CRISP2: variants seen among roughly 807,000 people sequenced by gnomAD.
CRISP2 encodes cysteine rich secretory protein 2, also known as cysteine-rich secretory protein 2.
In CRISP2, 29 loss-of-function variants were observed where a neutral mutation model predicts 31.7. That is an observed-to-expected ratio of 0.92 (90% CI 0.68 to 1.25). The LOEUF (loss-of-function observed/expected upper bound fraction) is 1.25. Among genes scored for constraint, CRISP2 ranks in the 50% most tolerant of loss-of-function variants. The pLI is 0.00. For missense variants in CRISP2, 318 were observed against 286.5 expected, an observed-to-expected ratio of 1.11 and a Z score of -0.79; for synonymous variants, 111 against 101.4, an observed-to-expected ratio of 1.09 and a Z score of -0.57.
chr6:49,704,581 T>C (rs1001407183), intron 4 of CRISP2, among the ~76,000 whole-genome samples: 1 of 152,116 alleles, frequency 6.6e-6, no homozygotes, highest in African/African-American at 2.4e-5. Context: ...AGATGGGGCT[T>C]CCTGAGAGCC....
At chr6:49,712,184 A>G (rs1412837718) in intron 2 of CRISP2, among the ~76,000 whole-genome samples, 1 of 152,156 alleles carries the variant, frequency 6.6e-6, no homozygotes, top group Non-Finnish European at 1.5e-5. Context: ...TATCCTCATC[A>G]GCTCATTGAA....
chr6:49,697,972 T>C lies in CRISP2; in HGVS notation c.418-15A>G, dbSNP rs757282165. Reference sequence around the variant, plus strand: ...TACCAAACAAGCTGCAAATTAACAATGGAATAAATATATAAAAGTACATTA... The same window carrying C: ...TACCAAACAAGCTGCAAATTAACAACGGAATAAATATATAAAAGTACATTA... On this transcript the variant is annotated splice_polypyrimidine_tract_variant and intron_variant, in intron 7 of 9. Transcript: ENST00000339139. 2 of 1,553,018 alleles carry C rather than the reference T, an allele frequency of 1.3e-6. No individual in the cohort carries two copies. Among genetic ancestry groups the C allele is most frequent in the African/African-American group, 1.4e-5 (1 of 72,240 alleles).
chr6:49,705,481 A>G (rs1025879037), intron 4 of CRISP2, among the ~76,000 whole-genome samples: 8 of 152,084 alleles, frequency 5.3e-5, no homozygotes, highest in African/African-American at 1.7e-4. Flanking sequence ...GCCTTTCCCC[A>G]TTTCCCACCT....
chr6:49,684,489 G>A, the CRISP2 span, among the ~76,000 whole-genome samples: 4 of 152,082 alleles, frequency 2.6e-5, no homozygotes, highest in South Asian at 2.1e-4. Context: ...ATGGAGGACC[G>A]ACTATATAAG....
chr6:49,678,547 C>T, the CRISP2 span, among the ~76,000 whole-genome samples: 2 of 151,924 alleles, frequency 1.3e-5, no homozygotes, highest in African/African-American at 2.4e-5. Flanking sequence ...TTAACTAGTT[C>T]CCCCCGACTC....
chr6:49,677,778 C>A, the CRISP2 span, among the ~76,000 whole-genome samples: 1 of 152,060 alleles, frequency 6.6e-6, no homozygotes. Flanking sequence ...TAAACATACA[C>A]TTAAGGAAGT....
At chr6:49,699,921 T>TA in intron 5 of CRISP2, 30 bp from the exon 6 acceptor site, 1 of 1,584,394 alleles carries the variant, frequency 6.3e-7, no homozygotes, top group Non-Finnish European at 8.7e-7. Flanking sequence ...AAAATACACT[T>TA]AATGATTCAG....
chr6:49,682,702 C>G, the CRISP2 span, among the ~76,000 whole-genome samples: 1 of 132,478 alleles, frequency 7.5e-6, no homozygotes, highest in African/African-American at 2.8e-5. Context: ...CTTTCTTTTT[C>G]TTTTTTCTCT....
chr6:49,685,613 A>G, the CRISP2 span, among the ~76,000 whole-genome samples: 1 of 152,200 alleles, frequency 6.6e-6, no homozygotes, highest in East Asian at 1.9e-4. Flanking sequence ...TAACATATAT[A>G]GTCAGTTTCA....
At chr6:49,711,240 G>C (rs1767954754) in intron 3 of CRISP2, 45 bp downstream of exon 3, 1 of 152,058 alleles carries the variant, frequency 6.6e-6, no homozygotes, top group African/African-American at 2.4e-5. Context: ...AAAAATGATT[G>C]GCATGATAAA....
chr6:49,691,608 G>T (rs568886191), downstream of CRISP2, among the ~76,000 whole-genome samples: 1 of 151,538 alleles, frequency 6.6e-6, no homozygotes, highest in Admixed American at 6.6e-5. Context: ...TATTTTTTCC[G>T]TTGAAATGTC....
chr6:49,700,007 C>T (rs1765394155), intron 5 of CRISP2, 116 bp from the exon 6 acceptor site: 1 of 857,268 alleles, frequency 1.2e-6, no homozygotes, highest in Non-Finnish European at 1.8e-6. Flanking sequence ...TCTAATACTA[C>T]TGTTATTAAA....
Position 49,698,403 on chromosome 6 carries a change from C to G in CRISP2, c.376G>C (p.Gly126Arg), listed in dbSNP as rs199980917. Reference protein sequence around the residue: ...DEILDFVYGVGPKSPNAVVGH... With the variant: ...DEILDFVYGVRPKSPNAVVGH... ...ACAACTGCATTGGGACTCTTTGGTC[C>G]TACACCATAGACAAAATCTAGGATC... Residue 126 changes from glycine (G) to arginine (R), a missense_variant, in exon 7 of 10, where the codon GGA (glycine) becomes CGA (arginine). Physicochemically the swap from Gly to Arg is moderately radical, Grantham distance 125. Coordinates refer to ENST00000339139, the MANE Select transcript of CRISP2 (RefSeq NM_003296.4). The G allele has an allele frequency of 1.2e-4, 186 of 1,613,306 alleles. 2 individuals carry two copies. The highest frequency in any genetic ancestry group is 1.7e-6 in the Non-Finnish European group (2 of 1,179,658).
rs771393009 is a variant in CRISP2, at chr6:49,692,724, A to G, written c.*49T>C. The G allele has an allele frequency of 6.2e-5, 93 of 1,511,164 alleles. No individual in the cohort carries two copies. The highest frequency in any genetic ancestry group is 8.1e-5 in the Non-Finnish European group (91 of 1,116,728). 93.6% of individuals were successfully genotyped at this position (1,511,164 alleles called of 1,614,324 possible). A position where few individuals can be genotyped will look rare whatever the true frequency, so the allele number is the denominator to read the frequency against. ...ATTTCCACTGGTATGTCGCAATTAA[A>G]TGATGCAGCCCTTATCCATGCAGTC... On this transcript the variant is annotated 3_prime_UTR_variant, in exon 10 of 10. Transcript: ENST00000339139.
intron 4 of CRISP2, among the ~76,000 whole-genome samples, chr6:49,708,104 ATTATATAAGTATATTGTTAAT>A (rs1767386659): frequency 1.3e-5 from 2 of 152,144 alleles, no homozygotes; most frequent in South Asian, 4.1e-4. Context: ...CTAATTTAAT[ATTATATAAGTATATTGTTAAT>A]TTTGTATAGG....
At chr6:49,713,544 G>A (rs699957), upstream of CRISP2, 3 of 152,164 alleles carry the variant, frequency 2.0e-5, no homozygotes, top group East Asian at 3.9e-4. Context: ...GAGGAGCTGC[G>A]GCGCGCCCCT....
At chr6:49,696,002 C>T (rs1340297606) in intron 8 of CRISP2, 78 bp from the exon 9 acceptor site, 2 of 818,696 alleles carry the variant, frequency 2.4e-6, no homozygotes, top group Non-Finnish European at 3.9e-6. Context: ...ATCAAATATA[C>T]ATAAATAGTT....
At chr6:49,694,213 A>T (rs1764362728) in intron 9 of CRISP2, among the ~76,000 whole-genome samples, 2 of 152,164 alleles carry the variant, frequency 1.3e-5, no homozygotes, top group Admixed American at 1.3e-4. Flanking sequence ...AATTCCCTGG[A>T]TGCCACAGCT....
chr6:49,700,742 G>A lies in CRISP2; in HGVS notation c.109C>T (p.Gln37Ter). The part of the protein sequence containing the change: ...TALLTTQLQV[Q>*]REIVNKHNEL... ...TTGTGTTTATTTACAATCTCCCTTT[G>A]CACTTGCAACTGGGTGGTTAACAAA... The change falls in exon 5 of 10, where the codon CAA becomes TAA. Residue 37 changes from glutamine (Q) to a stop codon, truncating the protein, a stop_gained. Transcript: ENST00000339139. LOFTEE classifies it high-confidence loss of function. 6.2e-7 allele frequency: 1 copy of A among 1,612,294 alleles called. No individual in the cohort carries two copies. Among genetic ancestry groups the A allele is most frequent in the Admixed American group, 1.7e-5 (1 of 59,848 alleles).
Sources: allele counts gnomAD v4.1 joint callset (sites outside exome capture counted in the v4.1 genomes callset), GRCh38; gene constraint gnomAD v4.1.1; transcripts MANE v1.5; gene names NCBI Gene and HGNC (gene_info 2026-07-23, HGNC 2026-07-21).